The following SLC36A1 variants were observed in gnomAD, a reference collection of about 807,000 sequenced individuals.
SLC36A1 encodes the protein proton-coupled amino acid transporter 1.
A neutral mutation model predicts 47.5 loss-of-function variants in SLC36A1; 30 were observed. The ratio of observed to expected loss-of-function variants is 0.63; its 90% CI spans 0.47 to 0.86. The LOEUF is 0.86. Ranked by LOEUF, SLC36A1 falls within the 40% of genes least tolerant of loss-of-function variation. The probability of loss-of-function intolerance (pLI) is 0.00; values close to 1 mark genes in which losing one functional copy is unlikely to be tolerated. For missense variants in SLC36A1, 517 were observed against 606.0 expected (o/e 0.85, Z 1.54); for synonymous variants, 255 against 249.7 (o/e 1.02, Z -0.20).
chr5:151,467,299 A>AAAAAT lies in SLC36A1; in HGVS notation c.504+20_504+21insTAAAA. Reference sequence around the variant, plus strand: ...CTTTAAACAGGTAGGCACCTGGTTAAAAAAGAAAAAAAAAAAAAAAACCAG... The same window carrying AAAAAT: ...CTTTAAACAGGTAGGCACCTGGTTAAAAAATAAAAGAAAAAAAAAAAAAAAACCAG... On this transcript the variant is annotated intron_variant, in intron 6 of 10. Transcript: ENST00000243389. The AAAAAT allele has an allele frequency of 7.0e-7, 1 of 1,433,164 alleles. No individual in the cohort carries two copies. The allele number at this position is 1,433,164 out of a possible 1,614,324, so 88.8% of individuals were successfully genotyped here.
chr5:151,363,059 GTTT>G, the SLC36A1 span, among the ~76,000 whole-genome samples: 2 of 151,988 alleles, frequency 1.3e-5, no homozygotes, highest in Admixed American at 1.3e-4. Context: ...CTTTGTTTTA[GTTT>G]TTATTTGTTA....
At chr5:151,377,350 T>TC in the SLC36A1 span, among the ~76,000 whole-genome samples, 1 of 145,974 alleles carries the variant, frequency 6.9e-6, no homozygotes, top group Non-Finnish European at 1.5e-5. Context: ...TCTCTTTCTT[T>TC]TTTTTTTTTT....
rs539860520 is a variant in SLC36A1 at position 151,473,905 on chromosome 5, A to G, written c.822+134A>G. ...CCAGGCATGGTGGCTCACGCCTGTAATCTCAGCACTTTGGGAGGCCTAGAC... is the reference window on the plus strand; with the variant it reads ...CCAGGCATGGTGGCTCACGCCTGTAGTCTCAGCACTTTGGGAGGCCTAGAC... On this transcript the variant is annotated intron_variant, in intron 8 of 10. Transcript: ENST00000243389. 7 of 717,444 alleles carry G rather than the reference A, an allele frequency of 9.8e-6. No individual in the cohort carries two copies. In the East Asian group the frequency reaches 1.9e-4, roughly 19 times the overall value. The allele number at this position is 717,444 out of a possible 1,614,324, so 44.4% of individuals were successfully genotyped here.
chr5:151,467,319 A>AC, intron 6 of SLC36A1, 36 bp downstream of exon 6: 1 of 1,296,896 alleles, frequency 7.7e-7, no homozygotes, highest in Non-Finnish European at 1.1e-6. Context: ...AAAAAAAAAA[A>AC]ACCAGAGCGA....
At position 151,464,495 on chromosome 5, in the gene SLC36A1, C is replaced by G. The variant is rs574392784; in HGVS notation, c.235-19C>G. 5 of 1,607,402 alleles carry G rather than the reference C, an allele frequency of 3.1e-6. No homozygotes were observed. In the Admixed American group the frequency reaches 5.0e-5, roughly 16 times the overall value. On this transcript the variant is annotated intron_variant, in intron 3 of 10. Coordinates refer to ENST00000243389, the MANE Select transcript of SLC36A1 (RefSeq NM_078483.4). ...ACCTACTTTTCTCTCTCTCTTTTGCCTGCAATATCTGTCCCCAGATGGGTC... is the reference window on the plus strand; with the variant it reads ...ACCTACTTTTCTCTCTCTCTTTTGCGTGCAATATCTGTCCCCAGATGGGTC...
intron 9 of SLC36A1, among the ~76,000 whole-genome samples, chr5:151,478,832 T>C (rs200772261): frequency 6.7e-6 from 1 of 149,524 alleles, no homozygotes; most frequent in Non-Finnish European, 1.5e-5. Flanking sequence ...TCCTCTTTTT[T>C]CTTTTTTAAG....
chr5:151,512,362 G>A, the SLC36A1 span: 5 of 1,614,094 alleles, frequency 3.1e-6, no homozygotes, highest in Admixed American at 3.3e-5. This position sits in a 1 kb window ranked among gnomAD's most constrained non-coding sequence, Gnocchi z 4.1. Flanking sequence ...GGAGACATTC[G>A]AGGAAGAATG....
the SLC36A1 span, among the ~76,000 whole-genome samples, chr5:151,358,601 C>T: frequency 6.6e-6 from 1 of 152,186 alleles, no homozygotes; most frequent in Admixed American, 6.5e-5. Flanking sequence ...TTTCTATCCC[C>T]AATTCCTCAA....
At chr5:151,347,923 A>G in the SLC36A1 span, among the ~76,000 whole-genome samples, 1 of 152,184 alleles carries the variant, frequency 6.6e-6, no homozygotes, top group East Asian at 1.9e-4. Context: ...AGAAAGTGAC[A>G]GAGTTGGAAC....
chr5:151,548,761 G>A, the SLC36A1 span, among the ~76,000 whole-genome samples: 331 of 152,246 alleles, frequency 2.2e-3, 1 homozygote, highest in African/African-American at 7.0e-3. Context: ...GATTACAGGC[G>A]TGAGCCACCG....
chr5:151,463,686 G>A (rs779618508), intron 3 of SLC36A1, 43 bp downstream of exon 3: 14 of 1,454,574 alleles, frequency 9.6e-6, no homozygotes, highest in Non-Finnish European at 1.4e-5. Context: ...ACAAATTTTA[G>A]GAGGTAGCTT....
upstream of SLC36A1, among the ~76,000 whole-genome samples, chr5:151,433,719 C>T (rs989348377): frequency 6.6e-6 from 1 of 152,134 alleles, no homozygotes; most frequent in Non-Finnish European, 1.5e-5. Context: ...AATGCAGCTA[C>T]AGCTTCACTC....
At chr5:151,401,098 C>T in the SLC36A1 span, among the ~76,000 whole-genome samples, 1 of 152,084 alleles carries the variant, frequency 6.6e-6, no homozygotes, top group African/African-American at 2.4e-5. Context: ...TTGTCAAGGC[C>T]AATGCCTAGA....
At chr5:151,486,842 A>G (rs903054630) in intron 10 of SLC36A1, among the ~76,000 whole-genome samples, 1 of 152,258 alleles carries the variant, frequency 6.6e-6, no homozygotes, top group African/African-American at 2.4e-5. Context: ...ACAGGAAGTC[A>G]TGCACTGTAG....
the SLC36A1 span, among the ~76,000 whole-genome samples, chr5:151,384,692 C>G: frequency 6.6e-6 from 1 of 152,160 alleles, no homozygotes; most frequent in Non-Finnish European, 1.5e-5. Flanking sequence ...GCTTAAATAC[C>G]TTCGGAGATC....
chr5:151,357,879 C>T, the SLC36A1 span, among the ~76,000 whole-genome samples: 1 of 152,140 alleles, frequency 6.6e-6, no homozygotes, highest in Non-Finnish European at 1.5e-5. Context: ...TAAAAGAAAA[C>T]CTATAGACAG....
the SLC36A1 span, chr5:151,553,212 T>A: frequency 6.2e-7 from 1 of 1,614,244 alleles, no homozygotes; most frequent in South Asian, 1.1e-5. Flanking sequence ...GGGTCTGCCC[T>A]CTACGCTGAT....
At chr5:151,365,464 C>T in the SLC36A1 span, among the ~76,000 whole-genome samples, 4 of 152,110 alleles carry the variant, frequency 2.6e-5, no homozygotes, top group Non-Finnish European at 2.9e-5. Flanking sequence ...CACAATTGGC[C>T]CCACCAATCA....
the SLC36A1 span, among the ~76,000 whole-genome samples, chr5:151,368,323 T>C: frequency 1.3e-5 from 2 of 152,254 alleles, no homozygotes; most frequent in African/African-American, 4.8e-5. Flanking sequence ...TAAGCTTGCC[T>C]AGATGGAACA....
Sources: gnomAD v4.1 joint callset for allele counts (sites outside exome capture counted in the v4.1 genomes callset) on GRCh38, gnomAD v4.1.1 for gene constraint, Gnocchi (gnomAD v3.1) non-coding constraint, MANE v1.5 for transcripts, NCBI Gene and HGNC (gene_info 2026-07-23, HGNC 2026-07-21) for gene names.